Variants in SPOCK1 observed in about 807,000 individuals in gnomAD.
SPOCK1 encodes SPARC (osteonectin), cwcv and kazal like domains proteoglycan 1, also known as testican-1.
Under a neutral mutation model 55.3 loss-of-function variants are expected in SPOCK1, and 23 were observed. That is an observed-to-expected ratio of 0.42 (90% confidence interval 0.30 to 0.59). The LOEUF is 0.59. Ranked by LOEUF, SPOCK1 falls within the 20% of genes least tolerant of loss-of-function variation. The pLI is 0.22. For missense variants in SPOCK1, 499 were observed against 552.5 expected, an observed-to-expected ratio of 0.90 and a Z score of 0.97; for synonymous variants, 226 against 221.0, an observed-to-expected ratio of 1.02 and a Z score of -0.20.
chr5:137,008,295 T>TACACACACACACACACACACACAC (rs141325417), intron 6 of SPOCK1, among the ~76,000 whole-genome samples: 1 of 138,320 alleles, frequency 7.2e-6, no homozygotes, highest in Admixed American at 7.4e-5. Flanking sequence ...TAATAATAAA[T>TACACACACACACACACACACACAC]ACACACACAC....
intron 6 of SPOCK1, among the ~76,000 whole-genome samples, chr5:137,039,272 T>TC (rs1751944642): frequency 1.3e-5 from 1 of 79,038 alleles, no homozygotes; most frequent in African/African-American, 9.7e-5. Flanking sequence ...CTGCCACACT[T>TC]TTTTTTTTTT....
chr5:137,276,819 A>T (rs1231457171), intron 2 of SPOCK1, among the ~76,000 whole-genome samples: 1 of 152,164 alleles, frequency 6.6e-6, no homozygotes, highest in East Asian at 1.9e-4. Context: ...GAGGACAGGT[A>T]GATTTCTGCC....
intron 2 of SPOCK1, among the ~76,000 whole-genome samples, chr5:137,443,350 C>T (rs919812701): frequency 2.6e-5 from 4 of 152,150 alleles, no homozygotes; most frequent in Non-Finnish European, 4.4e-5. Flanking sequence ...TCTCAGTGTC[C>T]TTTGTGTGCA....
intron 2 of SPOCK1, among the ~76,000 whole-genome samples, chr5:137,396,030 T>C (rs1026310785): frequency 6.6e-6 from 1 of 152,222 alleles, no homozygotes; most frequent in East Asian, 1.9e-4. Context: ...ATAACATTAC[T>C]CAATATTTTG....
chr5:137,496,144 A>C (rs1754294911), intron 2 of SPOCK1, among the ~76,000 whole-genome samples: 1 of 152,194 alleles, frequency 6.6e-6, no homozygotes, highest in South Asian at 2.1e-4. Context: ...AGAATAACCT[A>C]GTATGTTTGC....
chr5:137,444,482 GC>G (rs970488330), intron 2 of SPOCK1, among the ~76,000 whole-genome samples: 1 of 152,078 alleles, frequency 6.6e-6, no homozygotes, highest in African/African-American at 2.4e-5. Flanking sequence ...ACTCAGAATG[GC>G]CAGATGTGCT....
intron 2 of SPOCK1, among the ~76,000 whole-genome samples, chr5:137,311,238 C>T (rs146493064): frequency 2.1e-3 from 319 of 152,016 alleles, no homozygotes; most frequent in African/African-American, 7.1e-3. Context: ...AGCACTGATC[C>T]CAGAAAAAAA....
intron 2 of SPOCK1, among the ~76,000 whole-genome samples, chr5:137,357,239 T>A (rs1169958307): frequency 1.3e-5 from 2 of 152,116 alleles, no homozygotes; most frequent in African/African-American, 4.8e-5. Flanking sequence ...GCTAACTCCA[T>A]CCATTCAGCT....
chr5:137,308,527 C>T (rs1468804881), intron 2 of SPOCK1, among the ~76,000 whole-genome samples: 2 of 152,098 alleles, frequency 1.3e-5, no homozygotes, highest in African/African-American at 4.8e-5. Flanking sequence ...CTTCCAGGGC[C>T]CCGGTTCCAA....
chr5:137,173,049 A>G (rs948312871), intron 3 of SPOCK1, among the ~76,000 whole-genome samples: 6 of 152,178 alleles, frequency 3.9e-5, no homozygotes, highest in South Asian at 2.1e-4. Context: ...CTTGCCCCCA[A>G]TCTCCCATTG....
chr5:137,086,289 A>G (rs1752958299), intron 5 of SPOCK1, among the ~76,000 whole-genome samples: 1 of 152,166 alleles, frequency 6.6e-6, no homozygotes, highest in Admixed American at 6.5e-5. Context: ...CAAGATATAA[A>G]GGGCTTACCT....
intron 3 of SPOCK1, among the ~76,000 whole-genome samples, chr5:137,142,804 G>A (rs1359801469): frequency 6.6e-6 from 1 of 152,196 alleles, no homozygotes; most frequent in African/African-American, 2.4e-5. Flanking sequence ...TCCTGGGGAT[G>A]TCTGCATAAG....
intron 3 of SPOCK1, among the ~76,000 whole-genome samples, chr5:137,142,249 G>A (rs1249692774): frequency 6.6e-6 from 1 of 152,160 alleles, no homozygotes; most frequent in Non-Finnish European, 1.5e-5. Flanking sequence ...ATGTCACAGT[G>A]CCCTCAACCA....
chr5:137,285,448 C>T (rs536102548), intron 2 of SPOCK1, among the ~76,000 whole-genome samples: 3 of 152,178 alleles, frequency 2.0e-5, no homozygotes, highest in Non-Finnish European at 4.4e-5. Context: ...AGTCCCTTAA[C>T]AACAGCAGCA....
intron 5 of SPOCK1, 41 bp from the exon 6 acceptor site, chr5:137,067,870 T>A: frequency 6.5e-7 from 1 of 1,539,160 alleles, no homozygotes; most frequent in Non-Finnish European, 9.0e-7. Context: ...AATGCAGCCA[T>A]AACAGACCCC....
intron 5 of SPOCK1, among the ~76,000 whole-genome samples, chr5:137,077,451 T>G (rs1434588051): frequency 6.6e-6 from 1 of 151,956 alleles, no homozygotes; most frequent in Non-Finnish European, 1.5e-5. Context: ...AGAAATGGAG[T>G]CAGCCAAATA....
At chr5:137,449,419 C>T (rs1441878668) in intron 2 of SPOCK1, among the ~76,000 whole-genome samples, 2 of 152,214 alleles carry the variant, frequency 1.3e-5, no homozygotes, top group Non-Finnish European at 2.9e-5. Flanking sequence ...AGCTCTGCTA[C>T]AACTGTGTTT....
intron 2 of SPOCK1, among the ~76,000 whole-genome samples, chr5:137,477,604 C>G (rs931721189): frequency 1.3e-5 from 2 of 152,192 alleles, no homozygotes; most frequent in African/African-American, 4.8e-5. Flanking sequence ...TCAAAGCAAA[C>G]CTGTCAACCT....
chr5:137,350,512 C>A (rs1053691885), intron 2 of SPOCK1, among the ~76,000 whole-genome samples: 2 of 152,138 alleles, frequency 1.3e-5, no homozygotes, highest in African/African-American at 2.4e-5. Context: ...GAGGGTACAA[C>A]ACTGCTTCAC....
Sources: gnomAD v4.1 joint callset for allele counts (sites outside exome capture counted in the v4.1 genomes callset) on GRCh38, gnomAD v4.1.1 for gene constraint, MANE v1.5 for transcripts, NCBI Gene and HGNC (gene_info 2026-07-23, HGNC 2026-07-21) for gene names.